MMEL1: variants seen among roughly 807,000 people sequenced by gnomAD.
The protein encoded by MMEL1 is membrane metalloendopeptidase like 1.
Under a neutral mutation model 117.1 loss-of-function variants are expected in MMEL1, and 98 were observed. The ratio of observed to expected loss-of-function variants is 0.84; its 90% confidence interval spans 0.71 to 0.99. MMEL1 has a LOEUF of 0.99. Among genes scored for constraint, MMEL1 ranks in the 50% least tolerant of loss-of-function variants. The pLI is 0.00. For missense variants in MMEL1, 1,014 were observed against 1,049.1 expected (o/e 0.97, Z 0.46); for synonymous variants, 390 against 415.1 (o/e 0.94, Z 0.74).
rs537279123 is a variant in MMEL1 at position 2,632,580 on chromosome 1, G to T, written c.-38+286C>A. 6 of 178,382 alleles carry T rather than the reference G, an allele frequency of 3.4e-5. No homozygotes were observed. In the South Asian group the frequency reaches 7.3e-4, roughly 22 times the overall value. The allele number at this position is 178,382 out of a possible 1,614,324, so 11.0% of individuals were successfully genotyped here. On this transcript the variant is annotated intron_variant, in intron 1 of 23. Coordinates refer to ENST00000378412, the MANE Select transcript of MMEL1 (RefSeq NM_033467.4). The stretch of plus-strand genomic sequence containing the variant: ...AAATTGAGCCAAGTACCCGGGGCAG[G>T]TGTGGAGTGTCTGCTGAGGCGAAGG...
At chr1:2,607,152 C>T (rs557699618) in intron 6 of MMEL1, 83 bp from the exon 7 acceptor site, 29 of 1,268,236 alleles carry the variant, frequency 2.3e-5, no homozygotes, top group Middle Eastern at 1.9e-4. Context: ...CGCCGTTGGC[C>T]GGCGTCACAG....
intron 2 of MMEL1, among the ~76,000 whole-genome samples, chr1:2,615,618 T>C (rs1400817226): frequency 6.6e-6 from 1 of 152,156 alleles, no homozygotes; most frequent in Non-Finnish European, 1.5e-5. Context: ...AATAGTAATA[T>C]TATCACTATT....
Position 2,612,118 on chromosome 1 carries a change from A to G in MMEL1, c.232+9T>C. The G allele has an allele frequency of 2.5e-6, 4 of 1,572,918 alleles. No homozygotes were observed. Among genetic ancestry groups the G allele is most frequent in the Non-Finnish European group, 3.5e-6 (4 of 1,157,680 alleles). On this transcript the variant is annotated intron_variant, in intron 3 of 23. Transcript: ENST00000378412. This position sits in a 1 kb window ranked among gnomAD's most constrained non-coding sequence, Gnocchi z 5.4. ...CTGGGGCTGTTTTGGAAGGGAAGGC[A>G]AAGGCTACCTCGGGGTTTTCGTTTT...
Position 2,610,993 on chromosome 1 carries a change from C to T in MMEL1, c.292+288G>A, listed in dbSNP as rs575650210. On this transcript the variant is annotated intron_variant, in intron 4 of 23. Transcript: ENST00000378412. ...AATAAGAAAGTGGCTATTCATTGAACCTTTCTTTCTATAAATGTGGACAAA... is the reference window on the plus strand; with the variant it reads ...AATAAGAAAGTGGCTATTCATTGAATCTTTCTTTCTATAAATGTGGACAAA... Among the ~76,000 whole-genome samples, 8 of 152,364 alleles carry T rather than the reference C, an allele frequency of 5.3e-5. No homozygotes were observed. In the East Asian group the frequency reaches 1.5e-3, roughly 29 times the overall value.
chr1:2,616,143 C>T (rs1022222292), intron 2 of MMEL1, among the ~76,000 whole-genome samples: 7 of 151,910 alleles, frequency 4.6e-5, no homozygotes, highest in South Asian at 4.2e-4. Flanking sequence ...GAGACCAGCC[C>T]GGGCAACATG....
At chr1:2,605,505 G>A (rs760463518) in intron 9 of MMEL1, 53 bp downstream of exon 9, 33 of 1,519,688 alleles carry the variant, frequency 2.2e-5, no homozygotes, top group Admixed American at 1.5e-4. Flanking sequence ...GCCAGACCAC[G>A]GGGTAGGGGG....
At position 2,592,659 on chromosome 1, in the gene MMEL1, T is replaced by C. The variant is rs755158932; in HGVS notation, c.2063A>G (p.Tyr688Cys). Residue 688 changes from tyrosine to cysteine, a missense_variant, in exon 21 of 24, where the codon TAT becomes TGT. Tyr to Cys is a radical substitution (Grantham distance 194). Transcript: ENST00000378412. ...IADNGGVRQA[Y>C]KAYLKWMAEG... is the part of the protein sequence containing the mutation. ...CCCTCCCCTGCCAGGCCCCACCTTA[T>C]AGGCTTGCCGCACCCCTCCGTTGTC... 9 of 1,526,494 alleles carry C rather than the reference T, an allele frequency of 5.9e-6. No individual in the cohort carries two copies. The highest frequency in any genetic ancestry group is 8.0e-6 in the Non-Finnish European group (9 of 1,129,982). 94.6% of individuals were successfully genotyped at this position (1,526,494 alleles called of 1,614,324 possible).
chr1:2,604,233 G>A lies in MMEL1; in HGVS notation c.865C>T (p.Arg289Trp), dbSNP rs143132254. The A allele has an allele frequency of 1.4e-4, 221 of 1,599,012 alleles. 1 individual carries two copies. Among genetic ancestry groups the A allele is most frequent in the Middle Eastern group, 3.3e-4 (2 of 6,044 alleles). ...QFMVSVATLL[R>W]EDANLPRDSC... ...TCCCTGGGCAGGTTTGCATCCTCCC[G>A]CAGCAACGTGGCCACTGACACCATG... is the stretch of plus-strand genomic sequence containing the variant. Residue 289 changes from arginine (R) to tryptophan (W), a missense_variant, in exon 10 of 24, where the codon CGG (arginine) becomes TGG (tryptophan). Coordinates refer to ENST00000378412, the MANE Select transcript of MMEL1 (RefSeq NM_033467.4).
chr1:2,617,994 T>C (rs919818945), intron 2 of MMEL1, among the ~76,000 whole-genome samples: 2 of 152,276 alleles, frequency 1.3e-5, no homozygotes, highest in Non-Finnish European at 2.9e-5. Context: ...CATTTTGACA[T>C]AGGCTTTCTA....
At chr1:2,591,134 CA>C in intron 23 of MMEL1, 45 bp from the exon 24 acceptor site, 1 of 1,356,436 alleles carries the variant, frequency 7.4e-7, no homozygotes, top group Non-Finnish European at 1.0e-6. Context: ...CCATCTTGGA[CA>C]AACATGGCCA....
At chr1:2,617,375 C>T (rs562615669) in intron 2 of MMEL1, among the ~76,000 whole-genome samples, 3 of 145,242 alleles carry the variant, frequency 2.1e-5, no homozygotes, top group South Asian at 2.2e-4. Flanking sequence ...TGCAGTGAGC[C>T]GAGATCGCGC....
At chr1:2,614,671 A>C (rs1234153994) in intron 2 of MMEL1, among the ~76,000 whole-genome samples, 2 of 152,144 alleles carry the variant, frequency 1.3e-5, no homozygotes, top group African/African-American at 4.8e-5. Flanking sequence ...GAGCTAGACT[A>C]GAAGCAACAC....
At chr1:2,613,965 T>C (rs1212953025) in intron 2 of MMEL1, among the ~76,000 whole-genome samples, 1 of 152,182 alleles carries the variant, frequency 6.6e-6, no homozygotes, top group Non-Finnish European at 1.5e-5. Flanking sequence ...AGATGTTAAA[T>C]AGTAGTTGCC....
intron 3 of MMEL1, 25 bp from the exon 4 acceptor site, chr1:2,611,365 A>G: frequency 6.9e-7 from 1 of 1,457,196 alleles, no homozygotes; most frequent in Non-Finnish European, 9.1e-7. Context: ...CAGCCTGAGC[A>G]CCGGGAGCCA....
At position 2,596,079 on chromosome 1, in the gene MMEL1, G is replaced by A. The variant is rs769339551; in HGVS notation, c.1430C>T (p.Thr477Ile). The change falls in exon 15 of 24, where the codon ACA becomes ATA. Residue 477 changes from threonine (T) to isoleucine (I), a missense_variant. Coordinates refer to ENST00000378412, the MANE Select transcript of MMEL1 (RefSeq NM_033467.4). ...CTCGTCCAGCGTCTCCACAAACACT[G>A]TCCGCACCTTGTCAATGAGTTCTCT... The part of the protein sequence containing the change: ...MVRELIDKVR[T>I]VFVETLDELG... The A allele has an allele frequency of 1.2e-6, 2 of 1,613,852 alleles. No homozygotes were observed. Among genetic ancestry groups the A allele is most frequent in the Admixed American group, 1.7e-5 (1 of 59,994 alleles).
rs776897196 is a variant in MMEL1 at position 2,629,532 on chromosome 1, A to G, written c.-37-11T>C. On this transcript the variant is annotated splice_polypyrimidine_tract_variant and intron_variant, in intron 1 of 23. Coordinates refer to ENST00000378412, the MANE Select transcript of MMEL1 (RefSeq NM_033467.4). The stretch of plus-strand genomic sequence containing the variant: ...GCACCGCGGAGGAACCTGCAGGCCC[A>G]GGGCAGGGGAGAGGGGAGAGGGGCG... The G allele has an allele frequency of 1.3e-4, 189 of 1,417,320 alleles. 1 individual carries two copies. Among genetic ancestry groups the G allele is most frequent in the Middle Eastern group, 4.7e-4 (2 of 4,222 alleles). The allele number at this position is 1,417,320 out of a possible 1,614,324, so 87.8% of individuals were successfully genotyped here. A position where few individuals can be genotyped will look rare whatever the true frequency, so the allele number is the denominator to read the frequency against.
intron 2 of MMEL1, among the ~76,000 whole-genome samples, chr1:2,628,889 G>C (rs933402658): frequency 2.0e-5 from 3 of 151,508 alleles, no homozygotes; most frequent in Non-Finnish European, 4.4e-5. Context: ...GGCAGCGGGG[G>C]AGTGAGGCAG....
chr1:2,626,422 G>T (rs1171022319), intron 2 of MMEL1, among the ~76,000 whole-genome samples: 4 of 152,276 alleles, frequency 2.6e-5, no homozygotes, highest in Non-Finnish European at 4.4e-5. Context: ...TAAAAAGCCA[G>T]ATGTAAATAT....
Position 2,592,223 on chromosome 1 carries a change from G to C in MMEL1, c.2068-196C>G, listed in dbSNP as rs570010486. On this transcript the variant is annotated intron_variant, in intron 21 of 23. Transcript: ENST00000378412. Reference sequence around the variant, plus strand: ...CAGGGACCCCTGAGCTGGGCCCTCGGGGGGGGATCCCTGGCCAGACAGCCC... The same window carrying C: ...CAGGGACCCCTGAGCTGGGCCCTCGCGGGGGGATCCCTGGCCAGACAGCCC... Among the ~76,000 whole-genome samples, 6 of 20,242 alleles carry C rather than the reference G, an allele frequency of 3.0e-4. 1 individual carries two copies. Among genetic ancestry groups the C allele is most frequent in the Admixed American group, 4.3e-4 (1 of 2,336 alleles). 13.3% of individuals were successfully genotyped at this position (20,242 alleles called of 152,430 possible).
Sources: allele counts gnomAD v4.1 joint callset (sites outside exome capture counted in the v4.1 genomes callset), GRCh38; gene constraint gnomAD v4.1.1; non-coding constraint Gnocchi (gnomAD v3.1); transcripts MANE v1.5; gene names NCBI Gene and HGNC (gene_info 2026-07-23, HGNC 2026-07-21).